ACTR3B: variants seen among roughly 807,000 people sequenced by gnomAD.
ACTR3B encodes actin-related protein 3B.
Under a neutral mutation model 59.0 loss-of-function variants are expected in ACTR3B, and 8 were observed. The observed-to-expected ratio is 0.14, with a 90% CI of 0.08 to 0.24. The LOEUF (loss-of-function observed/expected upper bound fraction) is 0.24, where lower values mean the gene tolerates loss of function less well. Among genes scored for constraint, ACTR3B ranks in the 10% least tolerant of loss-of-function variants. The pLI is 1.00. For missense variants in ACTR3B, 245 were observed against 552.3 expected (o/e 0.44, Z 5.58); for synonymous variants, 148 against 197.9 (o/e 0.75, Z 2.12).
chr7:152,777,160 C>T (rs1428519031), intron 1 of ACTR3B, among the ~76,000 whole-genome samples: 1 of 151,992 alleles, frequency 6.6e-6, no homozygotes, highest in Non-Finnish European at 1.5e-5. Flanking sequence ...GCTCTTTAAC[C>T]CTTTACTATC....
intron 9 of ACTR3B, among the ~76,000 whole-genome samples, chr7:152,845,866 A>C (rs1798230466): frequency 6.6e-6 from 1 of 152,256 alleles, no homozygotes; most frequent in East Asian, 1.9e-4. Context: ...AGTGAAAATA[A>C]AGATTCAGCC....
intron 4 of ACTR3B, among the ~76,000 whole-genome samples, chr7:152,805,462 T>C (rs1482673956): frequency 6.6e-6 from 1 of 152,184 alleles, no homozygotes; most frequent in African/African-American, 2.4e-5. Flanking sequence ...TAACTCTGAT[T>C]ACTAAAAATA....
chr7:152,829,732 C>T (rs907240706), intron 9 of ACTR3B, among the ~76,000 whole-genome samples: 1 of 152,148 alleles, frequency 6.6e-6, no homozygotes, highest in Non-Finnish European at 1.5e-5. Flanking sequence ...AAAAGCTTCC[C>T]AGGTGACTCT....
chr7:152,848,532 C>T (rs1167396181), intron 9 of ACTR3B, among the ~76,000 whole-genome samples: 1 of 152,236 alleles, frequency 6.6e-6, no homozygotes, highest in Non-Finnish European at 1.5e-5. Context: ...ATTCCAAGCA[C>T]TGACCCATCC....
chr7:152,819,141 A>G (rs2116847057), intron 6 of ACTR3B, among the ~76,000 whole-genome samples: 1 of 152,346 alleles, frequency 6.6e-6, no homozygotes, highest in South Asian at 2.1e-4. Flanking sequence ...TTATACTTTT[A>G]TCTCCATCTT....
intron 1 of ACTR3B, among the ~76,000 whole-genome samples, chr7:152,765,970 A>G (rs369114978): frequency 0.029 from 4,464 of 151,880 alleles, 92 homozygotes; most frequent in Middle Eastern, 0.099. Flanking sequence ...CACTTTCATG[A>G]TTATGATAAT....
At chr7:152,843,251 T>C (rs1798005917) in intron 9 of ACTR3B, among the ~76,000 whole-genome samples, 1 of 152,238 alleles carries the variant, frequency 6.6e-6, no homozygotes, top group African/African-American at 2.4e-5. Context: ...GCTAAGAAAT[T>C]TTTGCCTACC....
At chr7:152,853,654 G>T in intron 11 of ACTR3B, 77 bp downstream of exon 11, 1 of 1,276,174 alleles carries the variant, frequency 7.8e-7, no homozygotes. Context: ...TGTCTACGAA[G>T]GTGAAATAGT....
chr7:152,844,405 C>T (rs1285343137), intron 9 of ACTR3B, among the ~76,000 whole-genome samples: 1 of 152,050 alleles, frequency 6.6e-6, no homozygotes, highest in African/African-American at 2.4e-5. Context: ...AAATCTATTA[C>T]ATTAATTTGT....
chr7:152,799,036 T>C (rs2098226399), intron 2 of ACTR3B, among the ~76,000 whole-genome samples: 1 of 152,212 alleles, frequency 6.6e-6, no homozygotes, highest in Non-Finnish European at 1.5e-5. Flanking sequence ...AAGGATGCCA[T>C]TGGTATTTTG....
At chr7:152,774,382 T>A (rs181622021) in intron 1 of ACTR3B, among the ~76,000 whole-genome samples, 1,934 of 152,324 alleles carry the variant, frequency 0.013, 16 homozygotes, top group Non-Finnish European at 0.021. Flanking sequence ...GTGATCCGCC[T>A]GCCTCGGCCT....
intron 10 of ACTR3B, among the ~76,000 whole-genome samples, chr7:152,852,725 G>A (rs1032602724): frequency 2.0e-5 from 3 of 152,190 alleles, no homozygotes; most frequent in East Asian, 1.9e-4. Flanking sequence ...AGTGGGCTTC[G>A]ATAGGGGCAG....
At position 152,759,878 on chromosome 7, in the gene ACTR3B, C is replaced by T. The variant is rs1407318762; in HGVS notation, c.-5C>T. On this transcript the variant is annotated 5_prime_UTR_variant, in exon 1 of 12. Transcript: ENST00000256001. ...CGGCGGGGCCGAGCGCCGCGCGTCCCGAGCATGGCAGGCTCCCTGCCTCCC... is the reference window on the plus strand; with the variant it reads ...CGGCGGGGCCGAGCGCCGCGCGTCCTGAGCATGGCAGGCTCCCTGCCTCCC... 5 of 1,335,430 alleles carry T rather than the reference C, an allele frequency of 3.7e-6. No individual in the cohort carries two copies. The highest frequency in any genetic ancestry group is 1.5e-5 in the African/African-American group (1 of 66,370). 82.7% of individuals were successfully genotyped at this position (1,335,430 alleles called of 1,614,324 possible).
At chr7:152,831,290 C>G (rs1355325067) in intron 9 of ACTR3B, among the ~76,000 whole-genome samples, 1 of 152,206 alleles carries the variant, frequency 6.6e-6, no homozygotes, top group Admixed American at 6.5e-5. Flanking sequence ...GTGGCAACAT[C>G]GAGTAATGTC....
intron 2 of ACTR3B, among the ~76,000 whole-genome samples, chr7:152,791,321 T>A (rs1382588271): frequency 6.6e-6 from 1 of 152,250 alleles, no homozygotes; most frequent in Non-Finnish European, 1.5e-5. Context: ...TCTTTATTAC[T>A]AAGTTTAATC....
At chr7:152,852,009 A>G in intron 9 of ACTR3B, 117 bp from the exon 10 acceptor site, 8 of 1,380,922 alleles carry the variant, frequency 5.8e-6, no homozygotes, top group Non-Finnish European at 8.0e-6. Context: ...CATCTTTCAT[A>G]GGGCCGATGT....
intron 4 of ACTR3B, among the ~76,000 whole-genome samples, chr7:152,806,352 A>G (rs1273083979): frequency 6.6e-6 from 1 of 152,260 alleles, no homozygotes; most frequent in Non-Finnish European, 1.5e-5. Flanking sequence ...GGAGAACATC[A>G]TTATATTGTA....
intron 9 of ACTR3B, among the ~76,000 whole-genome samples, chr7:152,834,006 T>G (rs397833447): frequency 2.0e-5 from 3 of 151,982 alleles, no homozygotes; most frequent in East Asian, 1.9e-4. Context: ...GGTCAGAGGT[T>G]CACCGAAGAG....
chr7:152,853,680 G>A (rs1799025553), intron 11 of ACTR3B, 103 bp downstream of exon 11: 1 of 1,043,780 alleles, frequency 9.6e-7, no homozygotes, highest in Non-Finnish European at 1.5e-6. Context: ...CCCTAATCGT[G>A]TGGCTCTAAA....
Sources: gnomAD v4.1 joint callset for allele counts (sites outside exome capture counted in the v4.1 genomes callset) on GRCh38, gnomAD v4.1.1 for gene constraint, MANE v1.5 for transcripts, NCBI Gene and HGNC (gene_info 2026-07-23, HGNC 2026-07-21) for gene names.